EHBP1: variants seen among roughly 807,000 people sequenced by gnomAD.
EHBP1 encodes the protein EH domain binding protein 1.
A neutral mutation model predicts 144.0 loss-of-function variants in EHBP1; 55 were observed. The ratio of observed to expected loss-of-function variants is 0.38; its 90% CI spans 0.31 to 0.48. EHBP1 has a LOEUF of 0.48. EHBP1 is among the 20% of genes least tolerant of loss of function. The pLI, the probability that EHBP1 is intolerant of heterozygous loss-of-function variation, is 0.98. For synonymous variants in EHBP1, 469 were observed against 472.7 expected (o/e 0.99, Z 0.10); for missense variants, 1,200 against 1,364.2 (o/e 0.88, Z 1.90).
intron 6 of EHBP1, among the ~76,000 whole-genome samples, chr2:62,827,568 G>T (rs1279287144): frequency 6.6e-6 from 1 of 152,100 alleles, no homozygotes; most frequent in African/African-American, 2.4e-5. Flanking sequence ...ATCCTAAACT[G>T]CCTCTCTACC....
At chr2:63,014,725 C>A (rs2060413806) in intron 19 of EHBP1, among the ~76,000 whole-genome samples, 1 of 152,156 alleles carries the variant, frequency 6.6e-6, no homozygotes, top group Non-Finnish European at 1.5e-5. Flanking sequence ...CGCCTGTAAT[C>A]CCAGTACTTT....
chr2:62,757,425 TC>T (rs1392041127), intron 3 of EHBP1, among the ~76,000 whole-genome samples: 16 of 149,742 alleles, frequency 1.1e-4, no homozygotes, highest in East Asian at 7.8e-4. Flanking sequence ...CTTTTTTTTT[TC>T]TTTTTTTTTT....
At chr2:63,032,805 T>C (rs184545155) in intron 19 of EHBP1, among the ~76,000 whole-genome samples, 47 of 152,256 alleles carry the variant, frequency 3.1e-4, no homozygotes, top group African/African-American at 1.1e-3. Flanking sequence ...CCCCACATTC[T>C]ATCTTAGCAG....
chr2:62,763,483 G>A (rs959755459), intron 3 of EHBP1, among the ~76,000 whole-genome samples: 3 of 152,122 alleles, frequency 2.0e-5, no homozygotes, highest in Non-Finnish European at 4.4e-5. Flanking sequence ...GACATGGACC[G>A]GCACATAGAA....
intron 6 of EHBP1, among the ~76,000 whole-genome samples, chr2:62,829,009 T>C (rs895864254): frequency 6.6e-6 from 1 of 151,586 alleles, no homozygotes; most frequent in African/African-American, 2.4e-5. Context: ...TCCCAGCTAC[T>C]GAGGAGGCTA....
chr2:62,715,390 A>C lies in EHBP1; in HGVS notation c.104+8095A>C, dbSNP rs943886387. ...CGGCCTCCCAAAGTGCTGGGATTAC[A>C]GATGTGAGCCACCGTGCCCAGCCGA... is the stretch of plus-strand genomic sequence containing the variant. On this transcript the variant is annotated intron_variant, in intron 2 of 22. Coordinates refer to ENST00000431489, the MANE Select transcript of EHBP1 (RefSeq NM_001142616.3). 7.2e-5 allele frequency among the ~76,000 whole-genome samples: 11 copies of C among 151,804 alleles called. No individual in the cohort carries two copies. The South Asian group carries it at 2.3e-3, about 32-fold the overall frequency.
chr2:62,751,108 T>C (rs981189119), intron 3 of EHBP1, among the ~76,000 whole-genome samples: 6 of 152,198 alleles, frequency 3.9e-5, no homozygotes, highest in Admixed American at 6.5e-5. Context: ...CAGTATGATA[T>C]TGGCTGTGGG....
intron 10 of EHBP1, among the ~76,000 whole-genome samples, chr2:62,903,147 T>C (rs1573981971): frequency 1.3e-5 from 2 of 152,154 alleles, no homozygotes; most frequent in Admixed American, 1.3e-4. Context: ...CTGAAAGTTC[T>C]TTAGAGGGTT....
chr2:62,681,340 G>GTGTGTATATATA (rs1171760462), intron 1 of EHBP1, among the ~76,000 whole-genome samples: 4 of 58,552 alleles, frequency 6.8e-5, no homozygotes, highest in African/African-American at 3.5e-4. Flanking sequence ...ATGTGTGTGT[G>GTGTGTATATATA]TATATATATA....
At chr2:62,678,134 C>G (rs1311156250) in intron 1 of EHBP1, among the ~76,000 whole-genome samples, 1 of 152,168 alleles carries the variant, frequency 6.6e-6, no homozygotes, top group Non-Finnish European at 1.5e-5. Context: ...ACATCCTCAC[C>G]AGCATTTGTT....
At chr2:62,693,510 G>T (rs2033980796) in intron 1 of EHBP1, among the ~76,000 whole-genome samples, 1 of 152,038 alleles carries the variant, frequency 6.6e-6, no homozygotes, top group African/African-American at 2.4e-5. Context: ...CGTAATAATT[G>T]TATTTATTTA....
chr2:62,773,778 G>C (rs746867440), intron 5 of EHBP1, among the ~76,000 whole-genome samples: 8 of 137,384 alleles, frequency 5.8e-5, no homozygotes, highest in African/African-American at 1.6e-4. Context: ...TTGAACCAGG[G>C]AGATGGAGGT....
chr2:62,851,287 G>A (rs1310277470), intron 7 of EHBP1, among the ~76,000 whole-genome samples: 3 of 152,140 alleles, frequency 2.0e-5, no homozygotes, highest in African/African-American at 7.2e-5. Context: ...ACAGCTGCCA[G>A]CCCCATCTAA....
chr2:62,842,896 C>G (rs2048017403), intron 7 of EHBP1, among the ~76,000 whole-genome samples: 1 of 152,048 alleles, frequency 6.6e-6, no homozygotes, highest in Admixed American at 6.6e-5. Flanking sequence ...AGTTTCTACA[C>G]TAGTATTGAA....
rs569622809 is a variant in EHBP1 at position 63,000,065 on chromosome 2, C to CTGTGA, written c.3103+3302_3103+3306dup. 2.8e-4 allele frequency among the ~76,000 whole-genome samples: 43 copies of CTGTGA among 152,304 alleles called. No homozygotes were observed. The East Asian group carries it at 7.7e-3, about 27-fold the overall frequency. On this transcript the variant is annotated intron_variant, in intron 19 of 22. Coordinates refer to ENST00000431489, the MANE Select transcript of EHBP1 (RefSeq NM_001142616.3). ...CAACATTGGATTTTAAGCACCACCCCTGTGATGCTGAAGCTACTTACATCC... is the reference window on the plus strand; with the variant it reads ...CAACATTGGATTTTAAGCACCACCCCTGTGATGTGATGCTGAAGCTACTTACATCC...
intron 1 of EHBP1, among the ~76,000 whole-genome samples, chr2:62,679,452 T>C (rs1169658430): frequency 6.6e-6 from 1 of 152,216 alleles, no homozygotes; most frequent in African/African-American, 2.4e-5. Flanking sequence ...GTTCCTGTAA[T>C]AGTCAGTTTA....
intron 9 of EHBP1, among the ~76,000 whole-genome samples, chr2:62,870,987 C>A (rs1295882796): frequency 6.6e-6 from 1 of 152,032 alleles, no homozygotes; most frequent in Non-Finnish European, 1.5e-5. Flanking sequence ...CCCAGGTTGA[C>A]ATCTTATTTC....
At chr2:62,925,331 C>T (rs1024723156) in intron 10 of EHBP1, among the ~76,000 whole-genome samples, 6 of 151,292 alleles carry the variant, frequency 4.0e-5, no homozygotes, top group Admixed American at 2.6e-4. Context: ...ATTCAGCATA[C>T]TACTAGAAGT....
rs563507646 is a variant in EHBP1 at position 62,993,562 on chromosome 2, A to T, written c.2766A>T (p.Leu922Phe). 1 of 1,601,520 alleles carries T rather than the reference A, an allele frequency of 6.2e-7. No individual in the cohort carries two copies. The highest frequency in any genetic ancestry group is 2.2e-5 in the East Asian group (1 of 44,634). Residue 922 changes from leucine (L) to phenylalanine (F), a missense_variant, in exon 17 of 23, where the codon TTA (leucine) becomes TTT (phenylalanine). Around this residue, in one of 6 missense-constraint regions of EHBP1, gnomAD observed 543 missense variants for 513.1 expected, o/e 1.06. Transcript: ENST00000431489. Reference protein sequence around the residue: ...SGTEDLRTERLQKTTERFRNP... With the variant: ...SGTEDLRTERFQKTTERFRNP... Reference sequence around the variant, plus strand: ...CAGAAGATCTCCGGACTGAACGATTACAAAAAACAACAGAACGTTTTAGAA... The same window carrying T: ...CAGAAGATCTCCGGACTGAACGATTTCAAAAAACAACAGAACGTTTTAGAA...
Sources: allele counts gnomAD v4.1 joint callset (sites outside exome capture counted in the v4.1 genomes callset), GRCh38; gene constraint gnomAD v4.1.1; regional missense constraint gnomAD v4.1.1; transcripts MANE v1.5; gene names NCBI Gene and HGNC (gene_info 2026-07-23, HGNC 2026-07-21).